The following CEP97 variants were observed in gnomAD, a reference collection of about 807,000 sequenced individuals.
The protein encoded by CEP97 is centrosomal protein 97.
Under a neutral mutation model 73.1 loss-of-function variants are expected in CEP97, and 43 were observed. The ratio of observed to expected loss-of-function variants is 0.59; its 90% CI spans 0.46 to 0.76. The LOEUF (loss-of-function observed/expected upper bound fraction) is 0.76, where lower values mean the gene tolerates loss of function less well. Ranked by LOEUF, CEP97 falls within the 30% of genes least tolerant of loss-of-function variation. The probability of loss-of-function intolerance (pLI) is 0.00; values close to 1 mark genes in which losing one functional copy is unlikely to be tolerated. For synonymous variants in CEP97, 337 were observed against 370.0 expected (o/e 0.91, Z 1.02); for missense variants, 939 against 1,014.0 (o/e 0.93, Z 1.00).
chr3:101,747,056 C>T (rs1431550440), intron 6 of CEP97, among the ~76,000 whole-genome samples: 28 of 146,894 alleles, frequency 1.9e-4, no homozygotes, highest in African/African-American at 5.8e-4. Flanking sequence ...TGTGGAGAAA[C>T]AGGAACACTT....
chr3:101,731,810 T>C, intron 4 of CEP97, 30 bp from the exon 5 acceptor site: 2 of 1,261,744 alleles, frequency 1.6e-6, no homozygotes, highest in East Asian at 4.6e-5. Flanking sequence ...AATCTTTTCA[T>C]TTGTAATTCA....
intron 6 of CEP97, among the ~76,000 whole-genome samples, chr3:101,736,662 A>G (rs1938286033): frequency 6.6e-6 from 1 of 152,240 alleles, no homozygotes; most frequent in Non-Finnish European, 1.5e-5. Flanking sequence ...ATCAACAAAA[A>G]GGACATCCAC....
At chr3:101,736,869 G>C (rs1938296594) in intron 6 of CEP97, among the ~76,000 whole-genome samples, 1 of 152,210 alleles carries the variant, frequency 6.6e-6, no homozygotes, top group Non-Finnish European at 1.5e-5. Flanking sequence ...ACAGAAGTAG[G>C]CTTCAGAATA....
At chr3:101,726,011 G>A (rs1384552114) in intron 1 of CEP97, among the ~76,000 whole-genome samples, 1 of 152,060 alleles carries the variant, frequency 6.6e-6, no homozygotes, top group Admixed American at 6.6e-5. Flanking sequence ...ATGGTTAATT[G>A]GTGGAGCCAG....
intron 9 of CEP97, among the ~76,000 whole-genome samples, chr3:101,762,113 C>T (rs1393483832): frequency 1.3e-5 from 2 of 152,088 alleles, no homozygotes; most frequent in Non-Finnish European, 2.9e-5. Context: ...TTTGCACTTT[C>T]TGTTCCTTTG....
chr3:101,755,658 A>G (rs554025844), intron 7 of CEP97, 64 bp downstream of exon 7: 32 of 1,529,130 alleles, frequency 2.1e-5, no homozygotes, highest in African/African-American at 4.1e-5. Flanking sequence ...AGTCTTTGCT[A>G]TGGTGATAGT....
intron 4 of CEP97, among the ~76,000 whole-genome samples, chr3:101,729,951 C>T (rs1398200603): frequency 1.3e-5 from 2 of 151,832 alleles, no homozygotes; most frequent in Admixed American, 6.6e-5. Context: ...ATTATAGGCG[C>T]CCACCACCAC....
In CEP97 at chr3:101,724,653, T is replaced by A. The variant is rs111828531; in HGVS notation, c.-24T>A. ...ACAGAGCCGCGGGAGGACGGTTGCC[T>A]GGTATTATTAGCAAGCAGCAAATAT... On this transcript the variant is annotated 5_prime_UTR_variant, in exon 1 of 11. Coordinates refer to ENST00000341893, the MANE Select transcript of CEP97 (RefSeq NM_024548.4). The A allele has an allele frequency of 1.8e-4, 283 of 1,614,038 alleles. 1 individual carries two copies. In the Middle Eastern group the frequency reaches 3.3e-3, roughly 19 times the overall value.
At chr3:101,738,234 C>G (rs992863677) in intron 6 of CEP97, among the ~76,000 whole-genome samples, 9 of 151,980 alleles carry the variant, frequency 5.9e-5, no homozygotes, top group African/African-American at 1.9e-4. Context: ...ACTTAGACTC[C>G]CACACAATAA....
At chr3:101,764,430 G>A (rs542974153) in intron 10 of CEP97, among the ~76,000 whole-genome samples, 1 of 152,242 alleles carries the variant, frequency 6.6e-6, no homozygotes, top group African/African-American at 2.4e-5. Flanking sequence ...TGACCAACAT[G>A]GGGAAACCCT....
At chr3:101,738,278 T>TAGAC in intron 6 of CEP97, among the ~76,000 whole-genome samples, 1 of 151,510 alleles carries the variant, frequency 6.6e-6, no homozygotes, top group Non-Finnish European at 1.5e-5. Context: ...CTGTCAAAAT[T>TAGAC]AGATCAACAA....
intron 8 of CEP97, among the ~76,000 whole-genome samples, 163 bp downstream of exon 8, chr3:101,757,359 T>C (rs548717536): frequency 6.6e-6 from 1 of 152,322 alleles, no homozygotes; most frequent in South Asian, 2.1e-4. Flanking sequence ...CACCTATATA[T>C]GTATGTATAT....
chr3:101,748,131 A>AAAAC (rs1938682292), intron 6 of CEP97, among the ~76,000 whole-genome samples: 2 of 97,218 alleles, frequency 2.1e-5, no homozygotes, highest in Non-Finnish European at 4.4e-5. Flanking sequence ...CCTTGTCTCA[A>AAAAC]AAAAAAAAAA....
In CEP97 at chr3:101,757,885, A is replaced by G; in HGVS notation, c.1279A>G (p.Asn427Asp). ...AGTTGAGCTGAGGCTGCAGGGCATT[A>G]ACTTGGGCCTAGAAGATGATGGTGT... ...PTVELRLQGINLGLEDDGVAD... is the reference protein window; with the variant it reads ...PTVELRLQGIDLGLEDDGVAD... Residue 427 changes from asparagine (N) to aspartate (D), a missense_variant, in exon 9 of 11, where the codon AAC becomes GAC. Asn to Asp is a conservative substitution (Grantham distance 23, BLOSUM62 1). Transcript: ENST00000341893. The G allele has an allele frequency of 6.2e-7, 1 of 1,614,232 alleles. No individual in the cohort carries two copies. The highest frequency in any genetic ancestry group is 8.5e-7 in the Non-Finnish European group (1 of 1,180,040).
At chr3:101,754,949 G>A (rs1938962813) in intron 6 of CEP97, among the ~76,000 whole-genome samples, 1 of 145,572 alleles carries the variant, frequency 6.9e-6, no homozygotes, top group East Asian at 2.0e-4. Flanking sequence ...CTATAAGGTT[G>A]ACAGGTATGA....
chr3:101,727,903 CTG>C (rs942537128), intron 3 of CEP97, among the ~76,000 whole-genome samples: 15 of 152,142 alleles, frequency 9.9e-5, no homozygotes, highest in African/African-American at 3.4e-4. Context: ...TACTTAGTAA[CTG>C]TGTAATTTTG....
At chr3:101,750,358 C>G (rs1237273928) in intron 6 of CEP97, among the ~76,000 whole-genome samples, 2 of 151,234 alleles carry the variant, frequency 1.3e-5, no homozygotes, top group South Asian at 2.1e-4. Context: ...ATCTATATCT[C>G]TGTTTTGGTA....
At chr3:101,762,463 A>G in intron 9 of CEP97, 22 bp from the exon 10 acceptor site, 1 of 1,518,248 alleles carries the variant, frequency 6.6e-7, no homozygotes, top group South Asian at 1.1e-5. Context: ...TTATGTCAAT[A>G]ATGTGTTTTG....
At position 101,726,707 on chromosome 3, in the gene CEP97, A is replaced by T. The variant is rs766020659; in HGVS notation, c.157A>T (p.Asn53Tyr). The T allele has an allele frequency of 5.6e-6, 9 of 1,607,536 alleles. No homozygotes were observed. In the South Asian group the frequency reaches 1.0e-4, roughly 18 times the overall value. The change falls in exon 2 of 11, where the codon AAT becomes TAT. Residue 53 changes from asparagine to tyrosine, a missense_variant. Transcript: ENST00000341893. ...TAAAAATCAGATTATTAAATTGGAA[A>T]ATCTGGAGAAATGCAAACGATTAAT... is the stretch of plus-strand genomic sequence containing the variant. ...LDKNQIIKLE[N>Y]LEKCKRLIQL...
Sources: gnomAD v4.1 joint callset for allele counts (sites outside exome capture counted in the v4.1 genomes callset) on GRCh38, gnomAD v4.1.1 for gene constraint, MANE v1.5 for transcripts, NCBI Gene and HGNC (gene_info 2026-07-23, HGNC 2026-07-21) for gene names.